The following SHISAL1 variants were observed in gnomAD, a reference collection of about 807,000 sequenced individuals.
The protein encoded by SHISAL1 is protein shisa-like-1.
SHISAL1 carries 9 observed loss-of-function variants against 22.6 expected under a neutral mutation model. The observed-to-expected ratio is 0.40, with a 90% confidence interval of 0.24 to 0.70. The LOEUF is 0.70. SHISAL1 is among the 30% of genes least tolerant of loss of function. The pLI, the probability that SHISAL1 is intolerant of heterozygous loss-of-function variation, is 0.39. For synonymous variants in SHISAL1, 119 were observed against 115.4 expected, an observed-to-expected ratio of 1.03 and a Z score of -0.20; for missense variants, 246 against 270.6, an observed-to-expected ratio of 0.91 and a Z score of 0.64.
chr22:44,295,241 A>T (rs992126265), intron 3 of SHISAL1, among the ~76,000 whole-genome samples: 7 of 152,156 alleles, frequency 4.6e-5, no homozygotes, highest in Admixed American at 2.0e-4. Flanking sequence ...CAGATTTAGT[A>T]TATTAAGATA....
chr22:44,313,204 C>T (rs576152158), upstream of SHISAL1, among the ~76,000 whole-genome samples: 30 of 152,376 alleles, frequency 2.0e-4, no homozygotes, highest in African/African-American at 7.0e-4. Flanking sequence ...GGGGCTTAGA[C>T]CCAGGGCACC....
chr22:44,308,998 T>C (rs1287131334), intron 1 of SHISAL1, among the ~76,000 whole-genome samples: 1 of 152,232 alleles, frequency 6.6e-6, no homozygotes, highest in Non-Finnish European at 1.5e-5. Context: ...CTCAGGAGTC[T>C]GGGCCTTTGC....
chr22:44,287,913 A>G (rs552921632), intron 3 of SHISAL1, among the ~76,000 whole-genome samples: 1 of 152,242 alleles, frequency 6.6e-6, no homozygotes, highest in Non-Finnish European at 1.5e-5. Context: ...TTCCCATGGC[A>G]GCAGCCACGG....
rs112108824 is a variant in SHISAL1 at position 44,267,107 on chromosome 22, C to T, written c.*-17422G>A. Reference sequence around the variant, plus strand: ...CGTGGGCACTGCAGGCAGGGGACATCGCAGGAGCGACAGGCAGAGGGCAGG... The same window carrying T: ...CGTGGGCACTGCAGGCAGGGGACATTGCAGGAGCGACAGGCAGAGGGCAGG... On this transcript the variant is annotated intron_variant, in intron 4 of 4. Coordinates refer to ENST00000381176, the MANE Select transcript of SHISAL1 (RefSeq NM_001099294.2). 1.2e-4 allele frequency among the ~76,000 whole-genome samples: 19 copies of T among 152,184 alleles called. 1 individual carries two copies. Among genetic ancestry groups the T allele is most frequent in the African/African-American group, 3.6e-4 (15 of 41,512 alleles).
intron 1 of SHISAL1, among the ~76,000 whole-genome samples, chr22:44,301,875 G>A (rs778046164): frequency 2.6e-5 from 4 of 152,154 alleles, no homozygotes; most frequent in Admixed American, 2.0e-4. Flanking sequence ...ATTTGTCATC[G>A]GGTCAAAAGC....
At chr22:44,278,803 C>A (rs988237915) in intron 4 of SHISAL1, among the ~76,000 whole-genome samples, 1 of 152,130 alleles carries the variant, frequency 6.6e-6, no homozygotes, top group Admixed American at 6.5e-5. Context: ...CAGGATGCGG[C>A]GGGAGGAGCA....
At chr22:44,312,135 A>G (rs1350783331) in intron 1 of SHISAL1, among the ~76,000 whole-genome samples, 2 of 152,134 alleles carry the variant, frequency 1.3e-5, no homozygotes, top group African/African-American at 4.8e-5. Flanking sequence ...CAGTTTCCCA[A>G]TCTGTAAATG....
chr22:44,326,864 A>C, the SHISAL1 span, among the ~76,000 whole-genome samples: 3 of 152,164 alleles, frequency 2.0e-5, no homozygotes, highest in African/African-American at 4.8e-5. Context: ...CTTTCCTAAA[A>C]GGAGTGCCTC....
At chr22:44,256,187 G>GGCTCTC (rs2055083249) in intron 4 of SHISAL1, among the ~76,000 whole-genome samples, 1 of 150,240 alleles carries the variant, frequency 6.7e-6, no homozygotes, top group Non-Finnish European at 1.5e-5. Flanking sequence ...CTGGGTCTCA[G>GGCTCTC]GACTGGAACT....
In SHISAL1 at chr22:44,291,049, G is replaced by A. The variant is rs1199154884; in HGVS notation, c.282-5304C>T. Reference sequence around the variant, plus strand: ...CCCTCTGTCTCTCCTCACTCCACTGGTAACAGGCTTGGACAAGTGACGTGC... The same window carrying A: ...CCCTCTGTCTCTCCTCACTCCACTGATAACAGGCTTGGACAAGTGACGTGC... On this transcript the variant is annotated intron_variant, in intron 3 of 4. Coordinates refer to ENST00000381176, the MANE Select transcript of SHISAL1 (RefSeq NM_001099294.2). Among the ~76,000 whole-genome samples, 5 of 152,126 alleles carry A rather than the reference G, an allele frequency of 3.3e-5. 1 individual carries two copies. The South Asian group carries it at 1.0e-3, about 32-fold the overall frequency.
chr22:44,327,464 A>G, the SHISAL1 span, among the ~76,000 whole-genome samples: 8 of 151,918 alleles, frequency 5.3e-5, no homozygotes, highest in East Asian at 1.9e-4. Context: ...GGGGCTCATG[A>G]TAACTGGGGT....
intron 4 of SHISAL1, among the ~76,000 whole-genome samples, chr22:44,251,621 G>A (rs2055048201): frequency 6.6e-6 from 1 of 152,208 alleles, no homozygotes; most frequent in African/African-American, 2.4e-5. Flanking sequence ...AGGCAAGGAG[G>A]AGCAAGTCAC....
At chr22:44,291,140 G>A (rs772992197) in intron 3 of SHISAL1, among the ~76,000 whole-genome samples, 3 of 152,196 alleles carry the variant, frequency 2.0e-5, no homozygotes, top group African/African-American at 4.8e-5. Context: ...GAGACACGAC[G>A]TGTGTGGCTT....
intron 4 of SHISAL1, among the ~76,000 whole-genome samples, chr22:44,274,555 A>T (rs562785388): frequency 3.3e-5 from 5 of 152,178 alleles, no homozygotes; most frequent in Non-Finnish European, 5.9e-5. Context: ...TCGTATTAAT[A>T]AAAAAAATTA....
intron 4 of SHISAL1, among the ~76,000 whole-genome samples, chr22:44,266,525 G>GGTGTGTGTGTGTGTGTGTGTGTGTGT (rs386395566): frequency 2.2e-5 from 1 of 45,652 alleles, no homozygotes; most frequent in Non-Finnish European, 5.5e-5. Context: ...GGGGCTTTGG[G>GGTGTGTGTGTGTGTGTGTGTGTGTGT]GTATGTGTGT....
Position 44,271,183 on chromosome 22 carries a change from G to C in SHISAL1, c.599+14245C>G, listed in dbSNP as rs117441995. ...TATATCCACATGACAGCCCAGAGAGGTGATGCAACTTGCCCAAGGACACAC... is the reference window on the plus strand; with the variant it reads ...TATATCCACATGACAGCCCAGAGAGCTGATGCAACTTGCCCAAGGACACAC... On this transcript the variant is annotated intron_variant, in intron 4 of 4. Transcript: ENST00000381176. Among the ~76,000 whole-genome samples the C allele has an allele frequency of 7.1e-3, 1,087 of 152,220 alleles. 9 individuals carry two copies. Among genetic ancestry groups the C allele is most frequent in the Non-Finnish European group, 8.2e-3 (556 of 68,008 alleles).
At chr22:44,308,855 G>A (rs1263117542) in intron 1 of SHISAL1, among the ~76,000 whole-genome samples, 2 of 152,202 alleles carry the variant, frequency 1.3e-5, no homozygotes, top group African/African-American at 4.8e-5. Flanking sequence ...CCACAGGATG[G>A]AGAACAAAGG....
At chr22:44,260,556 T>C (rs1405652218) in intron 4 of SHISAL1, among the ~76,000 whole-genome samples, 1 of 152,204 alleles carries the variant, frequency 6.6e-6, no homozygotes, top group African/African-American at 2.4e-5. Context: ...GTCCAGGTGA[T>C]GGTCGAAGCC....
chr22:44,295,683 C>A (rs1601798741), intron 3 of SHISAL1, among the ~76,000 whole-genome samples: 2 of 151,916 alleles, frequency 1.3e-5, no homozygotes, highest in Admixed American at 6.6e-5. Flanking sequence ...ATAAAAAGCA[C>A]CCATAAGTAA....
Sources: allele counts gnomAD v4.1 joint callset (sites outside exome capture counted in the v4.1 genomes callset), GRCh38; gene constraint gnomAD v4.1.1; transcripts MANE v1.5; gene names NCBI Gene and HGNC (gene_info 2026-07-23, HGNC 2026-07-21).